FOXP4: variants seen among roughly 807,000 people sequenced by gnomAD.
FOXP4 encodes forkhead box protein P4.
Under a neutral mutation model 82.6 loss-of-function variants are expected in FOXP4, and 25 were observed. That is an observed-to-expected ratio of 0.30 (90% confidence interval 0.22 to 0.42). The LOEUF is 0.42. Among genes scored for constraint, FOXP4 ranks in the 10% least tolerant of loss-of-function variants. The pLI is 1.00. For synonymous variants in FOXP4, 415 were observed against 388.2 expected (o/e 1.07, Z -0.81); for missense variants, 785 against 900.9 (o/e 0.87, Z 1.65).
chr6:41,586,204 C>A (rs1041857666), intron 5 of FOXP4, among the ~76,000 whole-genome samples: 4 of 152,090 alleles, frequency 2.6e-5, no homozygotes, highest in African/African-American at 9.7e-5. Flanking sequence ...CTTGTAATTG[C>A]TGTGTTATCA....
chr6:41,598,324 C>T (rs1766996216), intron 16 of FOXP4, among the ~76,000 whole-genome samples: 1 of 150,156 alleles, frequency 6.7e-6, no homozygotes. Context: ...TCAAGTGATT[C>T]TCCTGCCTCA....
In FOXP4 at chr6:41,590,015, C is replaced by T. The variant is rs1030394305; in HGVS notation, c.1202C>T (p.Ala401Val). The change falls in exon 11 of 17, where the codon GCA (alanine) becomes GTA (valine). Residue 401 changes from alanine (A) to valine (V), a missense_variant. Physicochemically the swap from Ala to Val is moderately conservative, Grantham distance 64. This residue lies in a region of FOXP4 where 570 missense variants were observed against 634.0 expected (regional missense o/e 0.90). Coordinates refer to ENST00000307972, the MANE Select transcript of FOXP4 (RefSeq NM_001012426.2). The stretch of plus-strand genomic sequence containing the variant: ...TTCTCCAAGGTGACCGTCTCTGCAG[C>T]AGACTCATTCCCAGATGGTCTCGTG... ...SSFSKVTVSA[A>V]DSFPDGLVHP... is the part of the protein sequence containing the mutation. The T allele has an allele frequency of 6.2e-7, 1 of 1,614,008 alleles. No homozygotes were observed. Among genetic ancestry groups the T allele is most frequent in the East Asian group, 2.2e-5 (1 of 44,882 alleles).
chr6:41,557,669 A>C (rs73733278), intron 1 of FOXP4, among the ~76,000 whole-genome samples: 1 of 152,154 alleles, frequency 6.6e-6, no homozygotes, highest in African/African-American at 2.4e-5. Context: ...TTATGACCCA[A>C]ATTTCACTTT....
At chr6:41,597,677 A>G in intron 15 of FOXP4, 104 bp from the exon 16 acceptor site, 3 of 1,398,790 alleles carry the variant, frequency 2.1e-6, no homozygotes, top group Non-Finnish European at 2.9e-6. Context: ...GCCAGTAGGC[A>G]GACACACAGG....
Position 41,588,683 on chromosome 6 carries a change from A to G in FOXP4, c.1017A>G (p.Thr339=). 6.2e-7 allele frequency: 1 copy of G among 1,614,070 alleles called. No individual in the cohort carries two copies. The highest frequency in any genetic ancestry group is 1.1e-5 in the South Asian group (1 of 91,072). The part of the protein sequence containing the change: ...NTEHALDDRS[T]AQCRVQMQVV... ...AGCACGCCCTGGATGACCGGAGTACAGCCCAGTGCCGGGTACAGATGCAGG... is the reference window on the plus strand; with the variant it reads ...AGCACGCCCTGGATGACCGGAGTACGGCCCAGTGCCGGGTACAGATGCAGG... Residue 339 remains threonine (T), a synonymous_variant, in exon 9 of 17, where the codon ACA becomes ACG. Coordinates refer to ENST00000307972, the MANE Select transcript of FOXP4 (RefSeq NM_001012426.2).
At chr6:41,560,917 C>G (rs150045326) in intron 1 of FOXP4, among the ~76,000 whole-genome samples, 1 of 152,344 alleles carries the variant, frequency 6.6e-6, no homozygotes, top group Non-Finnish European at 1.5e-5. Flanking sequence ...TTTTCTCCTT[C>G]CACAAAAGCA....
chr6:41,575,005 G>A (rs553866430), intron 2 of FOXP4, among the ~76,000 whole-genome samples: 4 of 152,234 alleles, frequency 2.6e-5, no homozygotes, highest in Non-Finnish European at 2.9e-5. Flanking sequence ...GTCTTGCTCT[G>A]TTGCTCAGGC....
At position 41,597,762 on chromosome 6, in the gene FOXP4, C is replaced by CA; in HGVS notation, c.1726-17dup. 1 of 1,602,446 alleles carries CA rather than the reference C, an allele frequency of 6.2e-7. No homozygotes were observed. The highest frequency in any genetic ancestry group is 8.5e-7 in the Non-Finnish European group (1 of 1,178,128). The stretch of plus-strand genomic sequence containing the variant: ...ATCCTGTGGAGCCACTGACGAGGCC[C>CA]AACCCTGTGCCCCTGCAGGCCGCCC... On this transcript the variant is annotated intron_variant, in intron 15 of 16. Transcript: ENST00000307972.
At chr6:41,554,011 G>C (rs1183801851) in intron 1 of FOXP4, among the ~76,000 whole-genome samples, 2 of 152,216 alleles carry the variant, frequency 1.3e-5, no homozygotes, top group African/African-American at 4.8e-5. Context: ...CTGGGAGGTT[G>C]TTGTGGCAGG....
chr6:41,553,384 C>T (rs1297942518), intron 1 of FOXP4, among the ~76,000 whole-genome samples: 1 of 152,186 alleles, frequency 6.6e-6, no homozygotes, highest in Non-Finnish European at 1.5e-5. Context: ...CCGCCATCCC[C>T]CCTCCCCCTC....
chr6:41,599,090 C>A lies in FOXP4; in HGVS notation c.*154C>A. ...GCCAGCAGCTCCCAGTGTGACCTGA[C>A]AAAAACACGTAGGGGCAGGGACGGT... On this transcript the variant is annotated 3_prime_UTR_variant, in exon 17 of 17. Coordinates refer to ENST00000307972, the MANE Select transcript of FOXP4 (RefSeq NM_001012426.2). 1 of 1,055,174 alleles carries A rather than the reference C, an allele frequency of 9.5e-7. No homozygotes were observed. Among genetic ancestry groups the A allele is most frequent in the Non-Finnish European group, 1.3e-6 (1 of 745,242 alleles). The allele number at this position is 1,055,174 out of a possible 1,614,324, so 65.4% of individuals were successfully genotyped here. A position where few individuals can be genotyped will look rare whatever the true frequency, so the allele number is the denominator to read the frequency against.
At position 41,597,782 on chromosome 6, in the gene FOXP4, C is replaced by G; in HGVS notation, c.1727C>G (p.Ala576Gly). The G allele has an allele frequency of 6.2e-7, 1 of 1,606,112 alleles. No individual in the cohort carries two copies. Among genetic ancestry groups the G allele is most frequent in the Non-Finnish European group, 8.5e-7 (1 of 1,179,086 alleles). ...SYGALNASYQ[A>G]ALAESSFPLL... ...AGGCCCAACCCTGTGCCCCTGCAGG[C>G]CGCCCTGGCCGAGAGCAGCTTCCCC... Residue 576 changes from alanine (A) to glycine (G), a missense_variant and splice_region_variant, in exon 16 of 17, where the codon GCC (alanine) becomes GGC (glycine). Around this residue, in one of 3 missense-constraint regions of FOXP4, gnomAD observed 184 missense variants for 187.3 expected, o/e 0.98. Coordinates refer to ENST00000307972, the MANE Select transcript of FOXP4 (RefSeq NM_001012426.2).
At chr6:41,549,758 T>C (rs974343557) in intron 1 of FOXP4, among the ~76,000 whole-genome samples, 1 of 147,512 alleles carries the variant, frequency 6.8e-6, no homozygotes. Flanking sequence ...GGGAGAAGAA[T>C]GGGAACAGGG....
Position 41,599,188 on chromosome 6 carries a change from C to G in FOXP4, c.*252C>G, listed in dbSNP as rs1047059153. On this transcript the variant is annotated 3_prime_UTR_variant, in exon 17 of 17. Coordinates refer to ENST00000307972, the MANE Select transcript of FOXP4 (RefSeq NM_001012426.2). ...CGGAGGGTTCAGACCCCTCCTCAGA[C>G]CCTCCCCACATCTGAAACTGCCTCC... 4 of 365,396 alleles carry G rather than the reference C, an allele frequency of 1.1e-5. No individual in the cohort carries two copies. The Admixed American group carries it at 1.3e-4, about 12-fold the overall frequency. 22.6% of individuals were successfully genotyped at this position (365,396 alleles called of 1,614,324 possible).
At chr6:41,577,245 A>T (rs1765538467) in intron 2 of FOXP4, among the ~76,000 whole-genome samples, 1 of 152,152 alleles carries the variant, frequency 6.6e-6, no homozygotes, top group Admixed American at 6.5e-5. Context: ...ATCTCTGCTG[A>T]TAGTATACCT....
rs1767228148 is a variant in FOXP4 at position 41,602,023 on chromosome 6, C to CATGT, written c.*3088_*3091dup. On this transcript the variant is annotated 3_prime_UTR_variant, in exon 17 of 17. Coordinates refer to ENST00000307972, the MANE Select transcript of FOXP4 (RefSeq NM_001012426.2). The stretch of plus-strand genomic sequence containing the variant: ...TTGCTGACCTCTCTCTACTCTCAGG[C>CATGT]ATGTCTTTTGTCCTTTTCGTCCATC... 1 of 152,286 alleles carries CATGT rather than the reference C, an allele frequency of 6.6e-6. No individual in the cohort carries two copies. Among genetic ancestry groups the CATGT allele is most frequent in the Non-Finnish European group, 1.5e-5 (1 of 68,090 alleles). The allele number at this position is 152,286 out of a possible 1,614,324, so 9.4% of individuals were successfully genotyped here.
chr6:41,553,453 C>T (rs1764109910), intron 1 of FOXP4, among the ~76,000 whole-genome samples: 1 of 152,132 alleles, frequency 6.6e-6, no homozygotes, highest in African/African-American at 2.4e-5. Flanking sequence ...TTTAATTGCA[C>T]TTATTTTCTA....
chr6:41,592,456 C>G (rs1183970470), intron 13 of FOXP4, among the ~76,000 whole-genome samples: 1 of 152,160 alleles, frequency 6.6e-6, no homozygotes, highest in Non-Finnish European at 1.5e-5. Context: ...CAACCACATT[C>G]CTGCCCTCTT....
At chr6:41,560,663 G>C (rs1395734440) in intron 1 of FOXP4, among the ~76,000 whole-genome samples, 2 of 152,232 alleles carry the variant, frequency 1.3e-5, no homozygotes, top group African/African-American at 2.4e-5. Context: ...AGATCGCAGA[G>C]GTGTTAATTG....
Sources: allele counts gnomAD v4.1 joint callset (sites outside exome capture counted in the v4.1 genomes callset), GRCh38; gene constraint gnomAD v4.1.1; regional missense constraint gnomAD v4.1.1; transcripts MANE v1.5; gene names NCBI Gene and HGNC (gene_info 2026-07-23, HGNC 2026-07-21).